The following CLTC variants were observed in gnomAD, a reference collection of about 807,000 sequenced individuals.
CLTC encodes clathrin heavy chain 1.
Under a neutral mutation model 195.8 loss-of-function variants are expected in CLTC, and 16 were observed. The observed-to-expected ratio is 0.08, with a 90% CI of 0.06 to 0.12. CLTC has a LOEUF of 0.12. CLTC is among the 10% of genes least tolerant of loss of function. The pLI is 1.00. For synonymous variants in CLTC, 667 were observed against 689.4 expected, an observed-to-expected ratio of 0.97 and a Z score of 0.51; for missense variants, 796 against 2,027.0, an observed-to-expected ratio of 0.39 and a Z score of 11.66.
intron 5 of CLTC, among the ~76,000 whole-genome samples, chr17:59,652,141 A>C (rs1483296084): frequency 2.0e-5 from 3 of 152,090 alleles, no homozygotes; most frequent in African/African-American, 7.2e-5. Context: ...CTCTATTTCT[A>C]ATTCTGGTTT....
intron 14 of CLTC, among the ~76,000 whole-genome samples, chr17:59,670,178 T>G (rs10515171): frequency 0.12 from 17,655 of 152,180 alleles, 1,662 homozygotes; most frequent in East Asian, 0.45. Flanking sequence ...CCCATACTAC[T>G]GATTCACTTC....
At chr17:59,674,487 C>A in intron 15 of CLTC, 1 of 510,904 alleles carries the variant, frequency 2.0e-6, no homozygotes, top group Non-Finnish European at 3.4e-6. Flanking sequence ...GCTTTCAATA[C>A]TTATTAAACC....
At chr17:59,672,934 G>A (rs1352466547) in intron 14 of CLTC, among the ~76,000 whole-genome samples, 3 of 152,162 alleles carry the variant, frequency 2.0e-5, no homozygotes. Context: ...CCTTATGTCT[G>A]TGGAATGTAA....
chr17:59,693,330 G>A (rs990725638), intron 31 of CLTC, among the ~76,000 whole-genome samples: 2 of 149,942 alleles, frequency 1.3e-5, no homozygotes, highest in African/African-American at 2.5e-5. Context: ...TTACACAACT[G>A]CACTCCAGCC....
At chr17:59,684,219 T>C (rs2033132535) in intron 28 of CLTC, 2 of 439,416 alleles carry the variant, frequency 4.6e-6, no homozygotes, top group South Asian at 3.3e-5. Flanking sequence ...ATGATTACTT[T>C]ATCTCTAACA....
chr17:59,644,224 G>A, intron 1 of CLTC, 52 bp from the exon 2 acceptor site: 1 of 1,455,880 alleles, frequency 6.9e-7, no homozygotes, highest in Non-Finnish European at 9.6e-7. Context: ...ATATATGAAT[G>A]TCAAGTCTTT....
At position 59,682,576 on chromosome 17, in the gene CLTC, G is replaced by A. The variant is rs2033102464; in HGVS notation, c.3601-53G>A. The A allele has an allele frequency of 6.3e-7, 1 of 1,597,220 alleles. No homozygotes were observed. The highest frequency in any genetic ancestry group is 1.7e-5 in the Admixed American group (1 of 58,228). On this transcript the variant is annotated intron_variant, in intron 22 of 31. Coordinates refer to ENST00000269122, the MANE Select transcript of CLTC (RefSeq NM_004859.4). This position sits in a 1 kb window ranked among gnomAD's most constrained non-coding sequence, Gnocchi z 6.8. Reference sequence around the variant, plus strand: ...TGTGAAGATATCAATTTGAAAAGAGGATTAAGCTCACACTAATATCTTGCT... The same window carrying A: ...TGTGAAGATATCAATTTGAAAAGAGAATTAAGCTCACACTAATATCTTGCT...
chr17:59,635,387 T>C (rs1432493937), intron 1 of CLTC, among the ~76,000 whole-genome samples: 1 of 152,232 alleles, frequency 6.6e-6, no homozygotes, highest in African/African-American at 2.4e-5. Flanking sequence ...GGAAGCAAAC[T>C]CCTTAGGTAT....
chr17:59,647,456 C>A lies in CLTC; in HGVS notation c.309C>A (p.Thr103=). Residue 103 remains threonine, a synonymous_variant, in exon 3 of 32, where the codon ACC becomes ACA. Transcript: ENST00000269122. ...IEMKSKMKAH[T]MTDDVTFWKW... is the part of the protein sequence containing the mutation. ...TGAAAAGTAAAATGAAGGCTCATAC[C>A]ATGACTGATGATGTCACCTTTTGGA... 1 of 1,613,702 alleles carries A rather than the reference C, an allele frequency of 6.2e-7. No individual in the cohort carries two copies. Among genetic ancestry groups the A allele is most frequent in the South Asian group, 1.1e-5 (1 of 91,060 alleles).
intron 5 of CLTC, among the ~76,000 whole-genome samples, chr17:59,652,720 A>G (rs1052412617): frequency 5.9e-5 from 9 of 152,222 alleles, no homozygotes; most frequent in African/African-American, 2.2e-4. Context: ...TTCCATTTCT[A>G]TAGCATAGGC....
chr17:59,655,907 C>A lies in CLTC; in HGVS notation c.849C>A (p.His283Gln). Reference sequence around the variant, plus strand: ...TGATAACCAAGTATGGTTATATCCACCTCTATGATCTTGAGACTGGTACCT... The same window carrying A: ...TGATAACCAAGTATGGTTATATCCAACTCTATGATCTTGAGACTGGTACCT... ...VFLITKYGYIHLYDLETGTCI... is the reference protein window; with the variant it reads ...VFLITKYGYIQLYDLETGTCI... The change falls in exon 6 of 32, where the codon CAC becomes CAA. Residue 283 changes from histidine (H) to glutamine (Q), a missense_variant. Transcript: ENST00000269122. The A allele has an allele frequency of 6.2e-7, 1 of 1,610,976 alleles. No individual in the cohort carries two copies. Among genetic ancestry groups the A allele is most frequent in the Non-Finnish European group, 8.5e-7 (1 of 1,179,084 alleles).
Position 59,682,661 on chromosome 17 carries a change from T to C in CLTC, c.3633T>C (p.Tyr1211=). 1.2e-6 allele frequency: 2 copies of C among 1,614,174 alleles called. No individual in the cohort carries two copies. The highest frequency in any genetic ancestry group is 1.1e-5 in the South Asian group (1 of 91,074). ...ACCGTTGTTATGATGAAAAAATGTA[T>C]GATGCTGCTAAGTTGTTGTACAATA... ...VGDRCYDEKM[Y]DAAKLLYNNV... The change falls in exon 23 of 32, where the codon TAT becomes TAC. Residue 1211 remains tyrosine (Y), a synonymous_variant. Coordinates refer to ENST00000269122, the MANE Select transcript of CLTC (RefSeq NM_004859.4). This position sits in a 1 kb window ranked among gnomAD's most constrained non-coding sequence, Gnocchi z 6.8.
intron 18 of CLTC, 75 bp downstream of exon 18, chr17:59,679,594 C>A: frequency 7.4e-7 from 1 of 1,351,962 alleles, no homozygotes. Flanking sequence ...TCCTTTCCCT[C>A]ATCATGTACT....
intron 1 of CLTC, among the ~76,000 whole-genome samples, chr17:59,633,496 A>T (rs531852291): frequency 6.6e-6 from 1 of 152,318 alleles, no homozygotes; most frequent in African/African-American, 2.4e-5. Flanking sequence ...CCATCTCAAA[A>T]AAAGAAAAAA....
intron 1 of CLTC, among the ~76,000 whole-genome samples, chr17:59,623,212 GTGT>G (rs747393006): frequency 7.9e-5 from 12 of 152,168 alleles, no homozygotes; most frequent in African/African-American, 9.7e-5. Flanking sequence ...GGCATGGAAT[GTGT>G]TGTTGAGTCA....
chr17:59,689,004 T>C (rs776399680), intron 30 of CLTC, among the ~76,000 whole-genome samples: 1 of 152,200 alleles, frequency 6.6e-6, no homozygotes, highest in Non-Finnish European at 1.5e-5. Context: ...AACTAATAAT[T>C]TTTGTTCTAA....
chr17:59,624,960 A>G (rs529077213), intron 1 of CLTC, among the ~76,000 whole-genome samples: 3 of 151,880 alleles, frequency 2.0e-5, no homozygotes, highest in African/African-American at 7.2e-5. Context: ...GTGAGTCACC[A>G]TGCCATGCCC....
intron 6 of CLTC, among the ~76,000 whole-genome samples, chr17:59,656,708 C>G (rs576033241): frequency 3.5e-4 from 40 of 115,010 alleles, no homozygotes; most frequent in Non-Finnish European, 4.8e-4. Context: ...GAGTCTTGCT[C>G]TGTCACCCAG....
At position 59,695,347 on chromosome 17, in the gene CLTC, G is replaced by GT. The variant is rs372066663; in HGVS notation, c.*1501dup. The GT allele has an allele frequency of 3.3e-3, 597 of 183,128 alleles. 7 individuals are homozygous for GT. The highest frequency in any genetic ancestry group is 0.013 in the African/African-American group (567 of 42,598). The allele number at this position is 183,128 out of a possible 1,614,324, so 11.3% of individuals were successfully genotyped here. On this transcript the variant is annotated 3_prime_UTR_variant, in exon 32 of 32. Transcript: ENST00000269122. Reference sequence around the variant, plus strand: ...TACCTAACATAAGCTCCACAGAAGAGTTTTTTAAAACTTAAAATCCCTGTC... The same window carrying GT: ...TACCTAACATAAGCTCCACAGAAGAGTTTTTTTAAAACTTAAAATCCCTGTC...
Sources: allele counts gnomAD v4.1 joint callset (sites outside exome capture counted in the v4.1 genomes callset), GRCh38; gene constraint gnomAD v4.1.1; non-coding constraint Gnocchi (gnomAD v3.1); transcripts MANE v1.5; gene names NCBI Gene and HGNC (gene_info 2026-07-23, HGNC 2026-07-21).